Variants in SPTBN1 observed in about 807,000 individuals in gnomAD.
SPTBN1 encodes the protein spectrin beta, non-erythrocytic 1.
In SPTBN1, 32 loss-of-function variants were observed where a neutral mutation model predicts 266.4. The observed-to-expected ratio is 0.12, with a 90% confidence interval of 0.09 to 0.16. The LOEUF (loss-of-function observed/expected upper bound fraction) is 0.16, where lower values mean the gene tolerates loss of function less well. Among genes scored for constraint, SPTBN1 ranks in the 10% least tolerant of loss-of-function variants. SPTBN1 has a pLI of 1.00. For missense variants in SPTBN1, 2,296 were observed against 3,067.1 expected, an observed-to-expected ratio of 0.75 and a Z score of 5.94; for synonymous variants, 1,336 against 1,162.2, an observed-to-expected ratio of 1.15 and a Z score of -3.04.
chr2:54,535,940 A>C (rs1044555265), intron 2 of SPTBN1, among the ~76,000 whole-genome samples: 3 of 152,204 alleles, frequency 2.0e-5, no homozygotes, highest in Non-Finnish European at 4.4e-5. Flanking sequence ...GAATCACTTG[A>C]ATCTGGGAGG....
chr2:54,542,492 C>G (rs1283281345), intron 2 of SPTBN1, among the ~76,000 whole-genome samples: 1 of 152,186 alleles, frequency 6.6e-6, no homozygotes, highest in Non-Finnish European at 1.5e-5. Context: ...TGTAAAACTA[C>G]CAACTTGGAG....
intron 2 of SPTBN1, among the ~76,000 whole-genome samples, chr2:54,588,100 A>G (rs1226566905): frequency 1.3e-5 from 2 of 152,190 alleles, no homozygotes; most frequent in East Asian, 3.8e-4. Flanking sequence ...AAACCAGGAC[A>G]TGCCAAACTT....
At chr2:54,489,784 T>A (rs1160258444) in intron 1 of SPTBN1, among the ~76,000 whole-genome samples, 1 of 152,248 alleles carries the variant, frequency 6.6e-6, no homozygotes, top group East Asian at 1.9e-4. Flanking sequence ...AGAGCGTGCA[T>A]ACATTTAGCA....
intron 2 of SPTBN1, chr2:54,557,705 G>A: frequency 1.0e-6 from 1 of 985,082 alleles, no homozygotes; most frequent in Non-Finnish European, 1.2e-6. Context: ...GCAAATCGGT[G>A]CTCCCATAAA....
rs1222601983 is a variant in SPTBN1, at chr2:54,645,675, G to T, written c.4494+222G>T. 6.6e-6 allele frequency among the ~76,000 whole-genome samples: 1 copy of T among 152,160 alleles called. No individual in the cohort carries two copies. The highest frequency in any genetic ancestry group is 1.5e-5 in the Non-Finnish European group (1 of 68,042). On this transcript the variant is annotated intron_variant, in intron 21 of 35. Coordinates refer to ENST00000356805, the MANE Select transcript of SPTBN1 (RefSeq NM_003128.3). The surrounding 1 kb of genome is among the most constrained non-coding windows in gnomAD (Gnocchi z 4.3). ...CTAGGGATACTGTAGGATTTTAATG[G>T]CCCTAAAACAGACTTTTTAAAAGTA...
chr2:54,461,177 T>C (rs1366536522), intron 1 of SPTBN1, among the ~76,000 whole-genome samples: 1 of 152,226 alleles, frequency 6.6e-6, no homozygotes, highest in Non-Finnish European at 1.5e-5. Context: ...ATCTTGATTG[T>C]GTATGATTTT....
At chr2:54,515,040 C>T (rs1670045273) in intron 1 of SPTBN1, among the ~76,000 whole-genome samples, 1 of 152,194 alleles carries the variant, frequency 6.6e-6, no homozygotes, top group Admixed American at 6.5e-5. Flanking sequence ...CTGGGAATAA[C>T]ATCACTATTG....
intron 1 of SPTBN1, among the ~76,000 whole-genome samples, chr2:54,517,735 A>C (rs1245582707): frequency 6.8e-6 from 1 of 148,040 alleles, no homozygotes; most frequent in Non-Finnish European, 1.5e-5. Context: ...AACCTCCATC[A>C]CCCGGGTTCA....
chr2:54,662,100 A>T (rs1449518895), intron 32 of SPTBN1: 2 of 985,278 alleles, frequency 2.0e-6, no homozygotes, highest in Non-Finnish European at 2.4e-6. Context: ...TCCTGATTTA[A>T]GTATCTCGGG....
intron 15 of SPTBN1, 23 bp from the exon 16 acceptor site, chr2:54,630,832 G>T: frequency 6.5e-7 from 1 of 1,534,516 alleles, no homozygotes; most frequent in African/African-American, 1.4e-5. Context: ...TTTCACACTC[G>T]CTGTCTGCCC....
intron 11 of SPTBN1, 75 bp downstream of exon 11, chr2:54,625,037 G>C: frequency 6.7e-7 from 1 of 1,486,386 alleles, no homozygotes; most frequent in Non-Finnish European, 9.0e-7. Flanking sequence ...AGGGGCATAG[G>C]GCCAGAGGAC....
intron 1 of SPTBN1, among the ~76,000 whole-genome samples, chr2:54,463,804 A>G (rs1693492336): frequency 6.6e-6 from 1 of 152,224 alleles, no homozygotes; most frequent in South Asian, 2.1e-4. Flanking sequence ...TTCCATCTGT[A>G]TTAAACCTGT....
At chr2:54,462,747 C>T (rs756214349) in intron 1 of SPTBN1, among the ~76,000 whole-genome samples, 4 of 152,176 alleles carry the variant, frequency 2.6e-5, no homozygotes, top group South Asian at 4.1e-4. Context: ...AACCTTTAAC[C>T]CTCCGGTCTC....
intron 32 of SPTBN1, 64 bp downstream of exon 32, chr2:54,660,063 GA>G: frequency 6.2e-7 from 1 of 1,614,228 alleles, no homozygotes; most frequent in Non-Finnish European, 8.5e-7. Flanking sequence ...GACAGCCAGT[GA>G]CCAGCCATGG....
At chr2:54,604,483 G>A (rs937295964) in intron 3 of SPTBN1, among the ~76,000 whole-genome samples, 1 of 152,126 alleles carries the variant, frequency 6.6e-6, no homozygotes, top group African/African-American at 2.4e-5. Flanking sequence ...GGCTGGGCAG[G>A]CAGGTGGGAC....
At chr2:54,612,523 A>T (rs1677284967) in intron 4 of SPTBN1, among the ~76,000 whole-genome samples, 189 bp downstream of exon 4, 1 of 152,074 alleles carries the variant, frequency 6.6e-6, no homozygotes, top group African/African-American at 2.4e-5. Context: ...AAGCTACTAC[A>T]TCCTCCTGCA....
At chr2:54,643,221 A>G (rs1679693628) in intron 19 of SPTBN1, 92 bp downstream of exon 19, 3 of 1,541,958 alleles carry the variant, frequency 1.9e-6, no homozygotes, top group Non-Finnish European at 2.6e-6. Context: ...AGCATATCTG[A>G]TCTTATCTGT....
chr2:54,617,493 C>A, intron 5 of SPTBN1, 115 bp from the exon 6 acceptor site: 1 of 820,980 alleles, frequency 1.2e-6, no homozygotes, highest in South Asian at 1.8e-5. Context: ...TAGTGATATT[C>A]ACTGCTTTAG....
chr2:54,623,524 G>A lies in SPTBN1; in HGVS notation c.1110G>A (p.Gln370=). The change falls in exon 10 of 36, where the codon CAG becomes CAA. Residue 370 remains glutamine (Q), a synonymous_variant. Coordinates refer to ENST00000356805, the MANE Select transcript of SPTBN1 (RefSeq NM_003128.3). ...TGGAAGTGCTGCTCTTCACCATTCA[G>A]AGCAAGATGAGGGCCAACAACCAGA... ...GNLEVLLFTI[Q]SKMRANNQKV... 6.2e-7 allele frequency: 1 copy of A among 1,614,160 alleles called. No homozygotes were observed. The highest frequency in any genetic ancestry group is 8.5e-7 in the Non-Finnish European group (1 of 1,180,020).
Sources: allele counts gnomAD v4.1 joint callset (sites outside exome capture counted in the v4.1 genomes callset), GRCh38; gene constraint gnomAD v4.1.1; non-coding constraint Gnocchi (gnomAD v3.1); transcripts MANE v1.5; gene names NCBI Gene and HGNC (gene_info 2026-07-23, HGNC 2026-07-21).